CCSER2: variants seen among roughly 807,000 people sequenced by gnomAD.
CCSER2 encodes coiled-coil serine rich protein 2.
CCSER2 carries 46 observed loss-of-function variants against 92.3 expected under a neutral mutation model. The observed-to-expected ratio is 0.50, with a 90% CI of 0.39 to 0.64. CCSER2 has a LOEUF of 0.64. CCSER2 is among the 30% of genes least tolerant of loss of function. The probability of loss-of-function intolerance (pLI) is 0.00; values close to 1 mark genes in which losing one functional copy is unlikely to be tolerated. For missense variants in CCSER2, 1,244 were observed against 1,238.9 expected, an observed-to-expected ratio of 1.00 and a Z score of -0.06; for synonymous variants, 433 against 431.4, an observed-to-expected ratio of 1.00 and a Z score of -0.04.
Position 84,396,931 on chromosome 10 carries a change from G to T in CCSER2, c.1615-20840G>T, listed in dbSNP as rs1318127934. Among the ~76,000 whole-genome samples, 3 of 152,320 alleles carry T rather than the reference G, an allele frequency of 2.0e-5. No individual in the cohort carries two copies. In the East Asian group the frequency reaches 5.8e-4, roughly 29 times the overall value. On this transcript the variant is annotated intron_variant, in intron 3 of 9. Transcript: ENST00000372088. Reference sequence around the variant, plus strand: ...TTACTCTCCCAACAATGGGCATCAAGATTGTTTCCAATATTTTACAGTTAT... The same window carrying T: ...TTACTCTCCCAACAATGGGCATCAATATTGTTTCCAATATTTTACAGTTAT...
intron 1 of CCSER2, among the ~76,000 whole-genome samples, chr10:84,340,481 G>A (rs1037810682): frequency 1.3e-5 from 2 of 151,996 alleles, no homozygotes; most frequent in African/African-American, 2.4e-5. Context: ...TAAGCAATTC[G>A]AATAGTGTTC....
At chr10:84,443,301 GA>G (rs1309704014) in intron 6 of CCSER2, among the ~76,000 whole-genome samples, 3 of 151,102 alleles carry the variant, frequency 2.0e-5, no homozygotes, top group Non-Finnish European at 4.4e-5. Context: ...AGATTTACAA[GA>G]AAAAAAACAA....
At chr10:84,352,917 A>T (rs1844944396) in intron 1 of CCSER2, among the ~76,000 whole-genome samples, 1 of 151,972 alleles carries the variant, frequency 6.6e-6, no homozygotes, top group African/African-American at 2.4e-5. Flanking sequence ...CAGCCTCCCA[A>T]GTAGCTGGGA....
intron 3 of CCSER2, among the ~76,000 whole-genome samples, chr10:84,380,978 G>A (rs1342654741): frequency 1.3e-5 from 2 of 152,182 alleles, no homozygotes; most frequent in Non-Finnish European, 2.9e-5. Context: ...TAATCCCAGG[G>A]CGTGAGCCAC....
At chr10:84,457,936 G>A (rs1482029587) in intron 6 of CCSER2, among the ~76,000 whole-genome samples, 1 of 151,404 alleles carries the variant, frequency 6.6e-6, no homozygotes, top group South Asian at 2.1e-4. Flanking sequence ...CGTAGAGATG[G>A]GGTTTTACCA....
chr10:84,410,867 G>T (rs1281286079), intron 3 of CCSER2, among the ~76,000 whole-genome samples: 1 of 152,194 alleles, frequency 6.6e-6, no homozygotes. Flanking sequence ...GTATTGCCTA[G>T]ATTTTCTTCT....
chr10:84,499,368 T>C (rs1848604837), intron 9 of CCSER2, among the ~76,000 whole-genome samples: 1 of 152,132 alleles, frequency 6.6e-6, no homozygotes, highest in South Asian at 2.1e-4. Context: ...ACTCCTGACC[T>C]CGTGATCCAC....
chr10:84,475,267 C>G (rs982333818), intron 8 of CCSER2, among the ~76,000 whole-genome samples: 1 of 152,090 alleles, frequency 6.6e-6, no homozygotes, highest in African/African-American at 2.4e-5. Flanking sequence ...GACACATTTC[C>G]CCAAATGTGG....
chr10:84,438,436 T>A (rs1368859133), intron 5 of CCSER2, 76 bp from the exon 6 acceptor site: 9 of 849,242 alleles, frequency 1.1e-5, no homozygotes, highest in Non-Finnish European at 1.7e-5. Context: ...ATCACTGCAA[T>A]AATTTCATTA....
intron 6 of CCSER2, among the ~76,000 whole-genome samples, chr10:84,450,026 A>G (rs1845179232): frequency 6.6e-6 from 1 of 152,240 alleles, no homozygotes; most frequent in Non-Finnish European, 1.5e-5. Context: ...AGTTAATAAT[A>G]GCAACAACAT....
chr10:84,358,919 T>A (rs1845348941), intron 1 of CCSER2, among the ~76,000 whole-genome samples: 1 of 152,130 alleles, frequency 6.6e-6, no homozygotes, highest in East Asian at 1.9e-4. Flanking sequence ...TTGGTTGCCT[T>A]GTTCATATGT....
chr10:84,511,470 G>C (rs1479489713), intron 9 of CCSER2, among the ~76,000 whole-genome samples: 1 of 151,736 alleles, frequency 6.6e-6, no homozygotes, highest in Non-Finnish European at 1.5e-5. Flanking sequence ...TTCACTGATA[G>C]CACATGTTTA....
At chr10:84,464,356 A>G (rs1846269483) in intron 7 of CCSER2, among the ~76,000 whole-genome samples, 2 of 152,210 alleles carry the variant, frequency 1.3e-5, no homozygotes, top group African/African-American at 4.8e-5. Flanking sequence ...AAAATTGAAG[A>G]AGTATACTGA....
chr10:84,400,945 G>A lies in CCSER2; in HGVS notation c.1615-16826G>A, dbSNP rs143757628. ...AATAAATAAATGCCATCTGTAGCCG[G>A]GTGCCATGTCTCACACCTGTAATCT... On this transcript the variant is annotated intron_variant, in intron 3 of 9. Transcript: ENST00000372088. 6.1e-3 allele frequency among the ~76,000 whole-genome samples: 934 copies of A among 152,116 alleles called. 6 individuals are homozygous for A. The highest frequency in any genetic ancestry group is 0.021 in the African/African-American group (854 of 41,474).
intron 6 of CCSER2, chr10:84,455,214 T>C: frequency 5.6e-6 from 1 of 179,734 alleles, no homozygotes; most frequent in South Asian, 1.4e-4. Context: ...TTTTTCAACC[T>C]GAGCCAGGTA....
intron 3 of CCSER2, chr10:84,391,063 C>A (rs1841491307): frequency 2.6e-6 from 2 of 778,580 alleles, no homozygotes; most frequent in African/African-American, 3.4e-5. Context: ...TTCAAACAAA[C>A]CAGAATATAT....
At chr10:84,511,867 G>A (rs1026999164) in intron 9 of CCSER2, among the ~76,000 whole-genome samples, 1 of 152,162 alleles carries the variant, frequency 6.6e-6, no homozygotes, top group African/African-American at 2.4e-5. Flanking sequence ...TTTTTGTGTT[G>A]ATGTGCTGTG....
At chr10:84,490,235 G>A (rs930900691) in intron 9 of CCSER2, among the ~76,000 whole-genome samples, 1 of 152,032 alleles carries the variant, frequency 6.6e-6, no homozygotes, top group Non-Finnish European at 1.5e-5. Context: ...TGCTCTTCTC[G>A]AGGATTATCT....
intron 3 of CCSER2, among the ~76,000 whole-genome samples, chr10:84,414,915 T>C (rs1842820908): frequency 6.6e-6 from 1 of 152,214 alleles, no homozygotes. Flanking sequence ...GCTCTGAGAT[T>C]CTTTCCTCTA....
Sources: gnomAD v4.1 joint callset for allele counts (sites outside exome capture counted in the v4.1 genomes callset) on GRCh38, gnomAD v4.1.1 for gene constraint, MANE v1.5 for transcripts, NCBI Gene and HGNC (gene_info 2026-07-23, HGNC 2026-07-21) for gene names.